FRMD6: variants seen among roughly 807,000 people sequenced by gnomAD.
FRMD6 encodes FERM domain-containing protein 6.
FRMD6 carries 37 observed loss-of-function variants against 73.2 expected under a neutral mutation model. The ratio of observed to expected loss-of-function variants is 0.51; its 90% CI spans 0.39 to 0.66. The LOEUF is 0.66. Ranked by LOEUF, FRMD6 falls within the 30% of genes least tolerant of loss-of-function variation. The probability of loss-of-function intolerance (pLI) is 0.00; values close to 1 mark genes in which losing one functional copy is unlikely to be tolerated. For missense variants in FRMD6, 714 were observed against 780.5 expected (o/e 0.91, Z 1.02); for synonymous variants, 273 against 282.2 (o/e 0.97, Z 0.33).
intron 1 of FRMD6, among the ~76,000 whole-genome samples, chr14:51,538,839 CT>C (rs1361324673): frequency 6.6e-6 from 1 of 152,112 alleles, no homozygotes; most frequent in Non-Finnish European, 1.5e-5. Context: ...ATGTCCTCTG[CT>C]TTTTCATTTT....
At chr14:51,446,437 C>T in the FRMD6 span, among the ~76,000 whole-genome samples, 1 of 150,192 alleles carries the variant, frequency 6.7e-6, no homozygotes, top group East Asian at 2.0e-4. Context: ...GTCCTTCTCT[C>T]TTGTGTAGAC....
intron 2 of FRMD6, among the ~76,000 whole-genome samples, chr14:51,592,774 G>A (rs1889469816): frequency 1.3e-5 from 2 of 152,084 alleles, no homozygotes; most frequent in Admixed American, 6.5e-5. Context: ...TTTTTAATCT[G>A]TATGTACATA....
At chr14:51,683,443 CT>C (rs781281627) in intron 1 of FRMD6, among the ~76,000 whole-genome samples, 2 of 126,906 alleles carry the variant, frequency 1.6e-5, no homozygotes, top group Non-Finnish European at 3.4e-5. Flanking sequence ...CCATGCTCAG[CT>C]ATTTTTTTTT....
chr14:51,398,175 C>T, the FRMD6 span, among the ~76,000 whole-genome samples: 5 of 152,128 alleles, frequency 3.3e-5, no homozygotes, highest in Non-Finnish European at 7.3e-5. Context: ...TGGTTAAGTG[C>T]ATATTTTGAA....
the FRMD6 span, among the ~76,000 whole-genome samples, chr14:51,416,361 C>T: frequency 1.7e-4 from 26 of 152,134 alleles, no homozygotes; most frequent in African/African-American, 6.3e-4. Flanking sequence ...TGTCTTTGTT[C>T]TTATTGGTTT....
chr14:51,589,630 CCT>C, intron 2 of FRMD6, among the ~76,000 whole-genome samples: 1 of 152,286 alleles, frequency 6.6e-6, no homozygotes, highest in Middle Eastern at 3.4e-3. Context: ...TGTTACTACC[CCT>C]CTGGTTCTGG....
chr14:51,607,347 G>A (rs924715251), intron 2 of FRMD6, among the ~76,000 whole-genome samples: 1 of 152,144 alleles, frequency 6.6e-6, no homozygotes, highest in African/African-American at 2.4e-5. Context: ...CCTTAGGGTG[G>A]AAAGTGTATT....
intron 2 of FRMD6, among the ~76,000 whole-genome samples, chr14:51,644,387 A>ACACACACACACACACACACACACACTCT (rs1489278384): frequency 8.7e-6 from 1 of 114,948 alleles, no homozygotes; most frequent in East Asian, 2.4e-4. Context: ...ACACACACAC[A>ACACACACACACACACACACACACACTCT]CTCACTCACT....
Position 51,725,854 on chromosome 14 carries a change from C to G in FRMD6, c.1568C>G (p.Thr523Ser). Reference protein sequence around the residue: ...ETVVKLRGQSTDSLPQTICRK... With the variant: ...ETVVKLRGQSSDSLPQTICRK... ...GTTGTTAAGCTTCGTGGCCAGAGTA[C>G]TGATTCTCTTCCACAGGTATTAAAG... Residue 523 changes from threonine to serine, a missense_variant, in exon 13 of 14, where the codon ACT becomes AGT. By Grantham distance (58) the Thr-to-Ser change is moderately conservative. Transcript: ENST00000344768. 1 of 1,612,926 alleles carries G rather than the reference C, an allele frequency of 6.2e-7. No individual in the cohort carries two copies. Among genetic ancestry groups the G allele is most frequent in the Non-Finnish European group, 8.5e-7 (1 of 1,179,014 alleles).
chr14:51,662,332 G>T (rs1479378602), intron 1 of FRMD6, among the ~76,000 whole-genome samples: 1 of 151,976 alleles, frequency 6.6e-6, no homozygotes, highest in East Asian at 1.9e-4. Context: ...AAAAAAAAGA[G>T]CTTGAATAGC....
At chr14:51,452,999 G>T in the FRMD6 span, among the ~76,000 whole-genome samples, 8 of 152,170 alleles carry the variant, frequency 5.3e-5, no homozygotes, top group African/African-American at 1.9e-4. Context: ...AGAAAATGGA[G>T]ACAGTGAGTT....
Position 51,703,999 on chromosome 14 carries a change from T to G in FRMD6, c.372-750T>G, listed in dbSNP as rs554900930. Among the ~76,000 whole-genome samples the G allele has an allele frequency of 1.8e-4, 27 of 152,250 alleles. No homozygotes were observed. The South Asian group carries it at 3.5e-3, about 20-fold the overall frequency. Reference sequence around the variant, plus strand: ...CCCCAGTCAGCATTTCTTAACGTATTTAATGATGACTGTATTTATTTCTGA... The same window carrying G: ...CCCCAGTCAGCATTTCTTAACGTATGTAATGATGACTGTATTTATTTCTGA... On this transcript the variant is annotated intron_variant, in intron 5 of 13. Transcript: ENST00000344768.
intron 2 of FRMD6, among the ~76,000 whole-genome samples, chr14:51,606,800 A>C (rs1213861342): frequency 2.0e-5 from 3 of 152,166 alleles, no homozygotes; most frequent in Admixed American, 2.0e-4. Flanking sequence ...CTGACCTAGC[A>C]TGGCTCAGCC....
At chr14:51,537,163 T>C (rs1314746813) in intron 1 of FRMD6, among the ~76,000 whole-genome samples, 8 of 152,236 alleles carry the variant, frequency 5.3e-5, no homozygotes, top group Admixed American at 5.2e-4. Context: ...CTCAAAACCC[T>C]TTAGTGCTTT....
intron 2 of FRMD6, among the ~76,000 whole-genome samples, chr14:51,603,672 G>A (rs987527761): frequency 2.0e-5 from 3 of 152,114 alleles, no homozygotes; most frequent in African/African-American, 7.2e-5. Flanking sequence ...CTGCTCACTG[G>A]GGTTGAGAAA....
the FRMD6 span, among the ~76,000 whole-genome samples, chr14:51,445,934 A>G: frequency 9.9e-5 from 15 of 152,246 alleles, no homozygotes; most frequent in African/African-American, 3.4e-4. Flanking sequence ...CATGTATTGT[A>G]GGTATTTGCA....
intron 2 of FRMD6, among the ~76,000 whole-genome samples, chr14:51,633,350 C>T (rs1396572349): frequency 6.6e-6 from 1 of 150,516 alleles, no homozygotes; most frequent in Admixed American, 6.6e-5. Flanking sequence ...GCCTGTAGTC[C>T]CAGCACTTTG....
chr14:51,447,484 C>T, the FRMD6 span, among the ~76,000 whole-genome samples: 1 of 152,158 alleles, frequency 6.6e-6, no homozygotes, highest in Admixed American at 6.5e-5. Context: ...ATTGCCTGAA[C>T]ATACCATAGT....
intron 2 of FRMD6, among the ~76,000 whole-genome samples, chr14:51,605,987 A>G (rs1890242063): frequency 6.6e-6 from 1 of 152,290 alleles, no homozygotes; most frequent in African/African-American, 2.4e-5. Flanking sequence ...TGGTGTCTTA[A>G]TTGAAAATTG....
Sources: gnomAD v4.1 joint callset for allele counts (sites outside exome capture counted in the v4.1 genomes callset) on GRCh38, gnomAD v4.1.1 for gene constraint, MANE v1.5 for transcripts, NCBI Gene and HGNC (gene_info 2026-07-23, HGNC 2026-07-21) for gene names.